Variants in GRIN1 observed in about 807,000 individuals in gnomAD.
GRIN1 encodes the protein glutamate ionotropic receptor NMDA type subunit 1, also known as glutamate receptor ionotropic, NMDA 1.
In GRIN1, 38 loss-of-function variants were observed where a neutral mutation model predicts 103.0. The observed-to-expected ratio is 0.37, with a 90% CI of 0.28 to 0.48. The LOEUF (loss-of-function observed/expected upper bound fraction) is 0.48, where lower values mean the gene tolerates loss of function less well. GRIN1 is among the 20% of genes least tolerant of loss of function. The probability of loss-of-function intolerance (pLI) is 0.98; values close to 1 mark genes in which losing one functional copy is unlikely to be tolerated. For missense variants in GRIN1, 577 were observed against 1,288.9 expected (o/e 0.45, Z 8.46); for synonymous variants, 544 against 532.7 (o/e 1.02, Z -0.29).
At chr9:137,164,906 C>A in intron 18 of GRIN1, 1 of 463,376 alleles carries the variant, frequency 2.2e-6, no homozygotes, top group Non-Finnish European at 4.0e-6. Context: ...TAAGCCAGGG[C>A]CACCCAGGAG....
At chr9:137,142,630 G>A (rs576837288) in intron 2 of GRIN1, among the ~76,000 whole-genome samples, 7 of 152,340 alleles carry the variant, frequency 4.6e-5, no homozygotes, top group East Asian at 3.9e-4. Context: ...GAGAGGGCCC[G>A]TGGGCTAGGA....
At chr9:137,158,259 GAGA>G in intron 6 of GRIN1, 117 bp from the exon 7 acceptor site, 1 of 1,134,228 alleles carries the variant, frequency 8.8e-7, no homozygotes, top group Non-Finnish European at 1.3e-6. Flanking sequence ...CAGCCGGCAG[GAGA>G]AGGAGCAGGG....
rs1043866330 is a variant in GRIN1, at chr9:137,162,758, G to C, written c.2013+19G>C. On this transcript the variant is annotated intron_variant, in intron 14 of 19. Coordinates refer to ENST00000371561, the MANE Select transcript of GRIN1 (RefSeq NM_007327.4). Reference sequence around the variant, plus strand: ...CCCTCGGGTGAGGCCTGGCCGGGCTGGGGGAGGGAATGCGAGGTGAGCTGG... The same window carrying C: ...CCCTCGGGTGAGGCCTGGCCGGGCTCGGGGAGGGAATGCGAGGTGAGCTGG... 4 of 1,601,732 alleles carry C rather than the reference G, an allele frequency of 2.5e-6. No individual in the cohort carries two copies. The African/African-American group carries it at 4.0e-5, about 16-fold the overall frequency.
Position 137,146,194 on chromosome 9 carries a change from G to A in GRIN1, c.570+292G>A, listed in dbSNP as rs1832519793. Among the ~76,000 whole-genome samples, 1 of 151,890 alleles carries A rather than the reference G, an allele frequency of 6.6e-6. No homozygotes were observed. The highest frequency in any genetic ancestry group is 1.5e-5 in the Non-Finnish European group (1 of 67,970). The stretch of plus-strand genomic sequence containing the variant: ...GCCCTCGTCCCCTCCTCCTGCCCAT[G>A]CCCCTCGCTCCCTGGAGGCCCCAGC... On this transcript the variant is annotated intron_variant, in intron 3 of 19. Transcript: ENST00000371561. This position sits in a 1 kb window ranked among gnomAD's most constrained non-coding sequence, Gnocchi z 6.7.
intron 2 of GRIN1, 102 bp downstream of exon 2, chr9:137,142,249 A>G (rs1456111300): frequency 1.7e-6 from 2 of 1,182,696 alleles, no homozygotes; most frequent in East Asian, 2.4e-5. Flanking sequence ...GAACTCACAC[A>G]CCACAAACAG....
In GRIN1 at chr9:137,167,694, C is replaced by T. The variant is rs1457937414; in HGVS notation, c.*167C>T. 3 of 1,587,452 alleles carry T rather than the reference C, an allele frequency of 1.9e-6. No homozygotes were observed. Among genetic ancestry groups the T allele is most frequent in the Admixed American group, 1.8e-5 (1 of 56,412 alleles). On this transcript the variant is annotated 3_prime_UTR_variant, in exon 20 of 20. Transcript: ENST00000371561. ...CCCGCCCGCCGGTTGGCCGGCTGGC[C>T]GGTCCACCCCGTCCCGGCCCCGCGC...
In GRIN1 at chr9:137,167,709, C is replaced by T. The variant is rs1238466805; in HGVS notation, c.*182C>T. On this transcript the variant is annotated 3_prime_UTR_variant, in exon 20 of 20. Transcript: ENST00000371561. ...GCCGGCTGGCCGGTCCACCCCGTCCCGGCCCCGCGCGTGCCCCCAGCGTGG... is the reference window on the plus strand; with the variant it reads ...GCCGGCTGGCCGGTCCACCCCGTCCTGGCCCCGCGCGTGCCCCCAGCGTGG... 1.7e-5 allele frequency: 28 copies of T among 1,605,446 alleles called. 1 individual carries two copies. The highest frequency in any genetic ancestry group is 1.0e-4 in the Admixed American group (6 of 59,430).
intron 4 of GRIN1, among the ~76,000 whole-genome samples, chr9:137,151,655 C>G (rs546907115): frequency 2.6e-5 from 4 of 152,192 alleles, no homozygotes; most frequent in Non-Finnish European, 4.4e-5. Flanking sequence ...GCCAGACTCT[C>G]AGAAGTTAAT....
chr9:137,139,448 C>A lies in GRIN1; in HGVS notation c.-39C>A, dbSNP rs759827008. ...CGCGGGGGATGCGCCGAGGGCCCCG[C>A]GTTCGCGCCGCGCAGAGCCAGGCCC... On this transcript the variant is annotated 5_prime_UTR_variant, in exon 1 of 20. Transcript: ENST00000371561. The surrounding 1 kb of genome is among the most constrained non-coding windows in gnomAD (Gnocchi z 7.7). 2 of 1,427,150 alleles carry A rather than the reference C, an allele frequency of 1.4e-6. No homozygotes were observed. Among genetic ancestry groups the A allele is most frequent in the Non-Finnish European group, 1.8e-6 (2 of 1,089,972 alleles). 88.4% of individuals were successfully genotyped at this position (1,427,150 alleles called of 1,614,324 possible).
chr9:137,148,115 G>T, intron 3 of GRIN1: 1 of 1,316,076 alleles, frequency 7.6e-7, no homozygotes. Flanking sequence ...ATCTTCTTCT[G>T]TGTCTGCATA....
chr9:137,160,142 G>A (rs897586561), intron 8 of GRIN1, among the ~76,000 whole-genome samples: 4 of 152,234 alleles, frequency 2.6e-5, no homozygotes, highest in South Asian at 4.1e-4. Context: ...GCCACGGCGC[G>A]GTGGAGCACG....
chr9:137,144,445 G>A (rs1832355782), intron 2 of GRIN1, among the ~76,000 whole-genome samples: 1 of 151,736 alleles, frequency 6.6e-6, no homozygotes, highest in Non-Finnish European at 1.5e-5. Flanking sequence ...ACGAGGTCAG[G>A]AGATCGAGAC....
At chr9:137,140,340 C>T (rs1344242470) in intron 1 of GRIN1, among the ~76,000 whole-genome samples, 3 of 152,136 alleles carry the variant, frequency 2.0e-5, no homozygotes, top group Admixed American at 1.3e-4. Context: ...TTTTGCCTGT[C>T]GGAGCTGTCC....
At chr9:137,142,444 G>A (rs926615706) in intron 2 of GRIN1, among the ~76,000 whole-genome samples, 14 of 152,268 alleles carry the variant, frequency 9.2e-5, no homozygotes, top group African/African-American at 4.8e-5. Context: ...AAGGGAGGGG[G>A]CACACATCAC....
chr9:137,145,757 C>A lies in GRIN1; in HGVS notation c.425C>A (p.Pro142Gln), dbSNP rs1380412753. Residue 142 changes from proline (P) to glutamine (Q), a missense_variant, in exon 3 of 20, where the codon CCG becomes CAG. By Grantham distance (76) the Pro-to-Gln change is moderately conservative. Transcript: ENST00000371561. ...SIHLSFLRTV[P>Q]PYSHQSSVWF... ...CACCTGAGCTTCCTGCGCACCGTGC[C>A]GCCCTACTCCCACCAGTCCAGCGTG... is the stretch of plus-strand genomic sequence containing the variant. 1 of 1,613,330 alleles carries A rather than the reference C, an allele frequency of 6.2e-7. No homozygotes were observed. Among genetic ancestry groups the A allele is most frequent in the Admixed American group, 1.7e-5 (1 of 59,974 alleles).
chr9:137,162,198 G>C lies in GRIN1; in HGVS notation c.1659G>C (p.Ser553=). 2.6e-6 allele frequency: 4 copies of C among 1,544,468 alleles called. No homozygotes were observed. Among genetic ancestry groups the C allele is most frequent in the South Asian group, 1.2e-5 (1 of 84,250 alleles). Residue 553 remains serine (S), a synonymous_variant, in exon 12 of 20, where the codon TCG becomes TCC. Transcript: ENST00000371561. ...AGATTCCCCGGAGCACGCTGGACTC[G>C]TTCATGCAGCCGTTCCAGAGCACAC... ...KKEIPRSTLD[S]FMQPFQSTLW...
In GRIN1 at chr9:137,163,341, G is replaced by C; in HGVS notation, c.2333+11G>C. 3.7e-6 allele frequency: 6 copies of C among 1,612,914 alleles called. No individual in the cohort carries two copies. Among genetic ancestry groups the C allele is most frequent in the Non-Finnish European group, 4.2e-6 (5 of 1,179,738 alleles). On this transcript the variant is annotated intron_variant, in intron 16 of 19. Transcript: ENST00000371561. ...CCTGTCCATCCTCAAGTGAGTGTCCGTGCGCCCGCGTCCCTCCTCCGCCCC... is the reference window on the plus strand; with the variant it reads ...CCTGTCCATCCTCAAGTGAGTGTCCCTGCGCCCGCGTCCCTCCTCCGCCCC...
intron 19 of GRIN1, 29 bp from the exon 20 acceptor site, chr9:137,167,382 G>A (rs1291088550): frequency 3.3e-6 from 5 of 1,532,752 alleles, no homozygotes; most frequent in African/African-American, 1.4e-5. Context: ...CGGGGCCAGC[G>A]GGTATTGATT....
At chr9:137,156,619 C>T (rs200882217) in intron 4 of GRIN1, 50 bp from the exon 5 acceptor site, 51 of 1,583,318 alleles carry the variant, frequency 3.2e-5, no homozygotes, top group Non-Finnish European at 4.3e-5. Context: ...TGCGGAGCGC[C>T]GCGGTGGGAG....
Sources: allele counts gnomAD v4.1 joint callset (sites outside exome capture counted in the v4.1 genomes callset), GRCh38; gene constraint gnomAD v4.1.1; non-coding constraint Gnocchi (gnomAD v3.1); transcripts MANE v1.5; gene names NCBI Gene and HGNC (gene_info 2026-07-23, HGNC 2026-07-21).